Variants in NELL2 observed in about 807,000 individuals in gnomAD.
NELL2 encodes protein kinase C-binding protein NELL2.
A neutral mutation model predicts 109.6 loss-of-function variants in NELL2; 41 were observed. The ratio of observed to expected loss-of-function variants is 0.37; its 90% CI spans 0.29 to 0.49. The LOEUF (loss-of-function observed/expected upper bound fraction) is 0.49, where lower values mean the gene tolerates loss of function less well. Among genes scored for constraint, NELL2 ranks in the 20% least tolerant of loss-of-function variants. The pLI, the probability that NELL2 is intolerant of heterozygous loss-of-function variation, is 0.98. For synonymous variants in NELL2, 355 were observed against 344.7 expected (o/e 1.03, Z -0.33); for missense variants, 900 against 1,008.3 (o/e 0.89, Z 1.45).
chr12:44,704,785 G>A (rs531417330), intron 11 of NELL2, among the ~76,000 whole-genome samples: 2 of 152,232 alleles, frequency 1.3e-5, no homozygotes, highest in South Asian at 2.1e-4. Flanking sequence ...TTGGGAGGCT[G>A]AAGCAGATGG....
rs556283299 is a variant in NELL2 at position 44,514,002 on chromosome 12, A to G, written c.2401-5018T>C. ...GTGCATCATAGTCAAACTACTAAAA[A>G]CAAAGATAGAGAATCATGAAAGGAA... On this transcript the variant is annotated intron_variant, in intron 19 of 19. Transcript: ENST00000429094. Among the ~76,000 whole-genome samples, 5 of 151,936 alleles carry G rather than the reference A, an allele frequency of 3.3e-5. No homozygotes were observed. In the South Asian group the frequency reaches 1.0e-3, roughly 31 times the overall value.
intron 2 of NELL2, among the ~76,000 whole-genome samples, chr12:44,830,994 G>T (rs1171732057): frequency 6.6e-6 from 1 of 151,786 alleles, no homozygotes; most frequent in Non-Finnish European, 1.5e-5. Context: ...TCTGTGGGGG[G>T]ACTGGACTTG....
intron 2 of NELL2, among the ~76,000 whole-genome samples, chr12:44,842,528 G>A (rs572531522): frequency 2.0e-5 from 3 of 152,254 alleles, no homozygotes; most frequent in South Asian, 4.1e-4. Flanking sequence ...TGAGAACTTG[G>A]TATAGCCAAA....
At chr12:44,816,190 A>C in intron 2 of NELL2, 54 bp from the exon 3 acceptor site, 1 of 1,432,534 alleles carries the variant, frequency 7.0e-7, no homozygotes, top group South Asian at 1.4e-5. Context: ...TTTATGAAGT[A>C]TCTTTTACAT....
At chr12:44,576,649 C>T (rs1472163500) in intron 15 of NELL2, among the ~76,000 whole-genome samples, 1 of 152,046 alleles carries the variant, frequency 6.6e-6, no homozygotes, top group Non-Finnish European at 1.5e-5. Flanking sequence ...GCTGCACCCA[C>T]TAACTTGTCA....
At chr12:44,716,109 A>G (rs1460464394) in intron 9 of NELL2, among the ~76,000 whole-genome samples, 1 of 152,074 alleles carries the variant, frequency 6.6e-6, no homozygotes, top group Non-Finnish European at 1.5e-5. Context: ...CTATTCTCTT[A>G]ATAATATCAA....
chr12:44,893,502 T>C (rs2710465), intron 1 of NELL2, among the ~76,000 whole-genome samples: 3,713 of 152,282 alleles, frequency 0.024, 166 homozygotes, highest in African/African-American at 0.084. Flanking sequence ...GTTAGCATTA[T>C]TTTAAACACA....
At chr12:44,732,231 T>C (rs1218763277) in intron 9 of NELL2, among the ~76,000 whole-genome samples, 1 of 152,008 alleles carries the variant, frequency 6.6e-6, no homozygotes, top group Non-Finnish European at 1.5e-5. Flanking sequence ...CTAAAATTCA[T>C]ATGGAGCCAT....
At chr12:44,598,516 A>G (rs1186304829) in intron 15 of NELL2, among the ~76,000 whole-genome samples, 1 of 152,200 alleles carries the variant, frequency 6.6e-6, no homozygotes, top group African/African-American at 2.4e-5. Context: ...CTGAATGGCC[A>G]AAGTTCATCA....
At chr12:44,661,864 C>T (rs989458974) in intron 13 of NELL2, among the ~76,000 whole-genome samples, 1 of 152,014 alleles carries the variant, frequency 6.6e-6, no homozygotes, top group Admixed American at 6.6e-5. Flanking sequence ...CCTTCTCTTC[C>T]CTTCCATATT....
chr12:44,524,393 C>T (rs1489695719), intron 16 of NELL2, among the ~76,000 whole-genome samples: 1 of 152,138 alleles, frequency 6.6e-6, no homozygotes, highest in African/African-American at 2.4e-5. Flanking sequence ...GTAGTTATTT[C>T]CCATTTCATC....
At chr12:44,821,885 T>TTTTATTTATTTA (rs199661897) in intron 2 of NELL2, among the ~76,000 whole-genome samples, 47 of 141,322 alleles carry the variant, frequency 3.3e-4, no homozygotes, top group East Asian at 6.3e-4. Flanking sequence ...GCCCGGCTGG[T>TTTTATTTATTTA]TTTATTTATT....
chr12:44,887,546 T>C (rs1945487390), intron 1 of NELL2, among the ~76,000 whole-genome samples: 1 of 151,986 alleles, frequency 6.6e-6, no homozygotes, highest in East Asian at 1.9e-4. Flanking sequence ...TTCATATACC[T>C]ATTGGTCATG....
At chr12:44,844,623 GA>G (rs1265186834) in intron 2 of NELL2, among the ~76,000 whole-genome samples, 3 of 152,210 alleles carry the variant, frequency 2.0e-5, no homozygotes, top group African/African-American at 7.2e-5. Context: ...CCAGTGAAGA[GA>G]TATGGCATAT....
intron 13 of NELL2, among the ~76,000 whole-genome samples, chr12:44,623,612 C>T (rs1341450850): frequency 2.6e-5 from 4 of 152,042 alleles, no homozygotes; most frequent in Admixed American, 6.6e-5. Flanking sequence ...GGAGCTCTTG[C>T]CCCCAGGAAT....
intron 15 of NELL2, among the ~76,000 whole-genome samples, chr12:44,576,825 T>A (rs1410899782): frequency 1.3e-5 from 2 of 151,782 alleles, no homozygotes; most frequent in African/African-American, 4.9e-5. Flanking sequence ...GATAGTTTAC[T>A]GAGAATGATG....
intron 3 of NELL2, among the ~76,000 whole-genome samples, chr12:44,793,343 T>C (rs1038271578): frequency 1.5e-4 from 23 of 152,230 alleles, no homozygotes; most frequent in African/African-American, 5.3e-4. Flanking sequence ...GTATTCATTA[T>C]TTAATCAATT....
At chr12:44,691,803 G>A (rs1365981303) in intron 12 of NELL2, among the ~76,000 whole-genome samples, 3 of 152,172 alleles carry the variant, frequency 2.0e-5, no homozygotes, top group African/African-American at 7.2e-5. Context: ...CTAATCAAGA[G>A]CAAGGCCTGA....
rs559474282 is a variant in NELL2 at position 44,534,217 on chromosome 12, A to G, written c.1664-1496T>C. Reference sequence around the variant, plus strand: ...ATGAATAAATGTATACATAAGTAAAAAAAAATCAGAGAAATGAGCTATCAC... The same window carrying G: ...ATGAATAAATGTATACATAAGTAAAGAAAAATCAGAGAAATGAGCTATCAC... On this transcript the variant is annotated intron_variant, in intron 15 of 19. Transcript: ENST00000429094. 2.6e-5 allele frequency among the ~76,000 whole-genome samples: 4 copies of G among 152,144 alleles called. No homozygotes were observed. The South Asian group carries it at 8.3e-4, about 31-fold the overall frequency.
Sources: allele counts gnomAD v4.1 joint callset (sites outside exome capture counted in the v4.1 genomes callset), GRCh38; gene constraint gnomAD v4.1.1; transcripts MANE v1.5; gene names NCBI Gene and HGNC (gene_info 2026-07-23, HGNC 2026-07-21).